The following TRAPPC11 variants were observed in gnomAD, a reference collection of about 807,000 sequenced individuals.
TRAPPC11 encodes trafficking protein particle complex subunit 11.
In TRAPPC11, 104 loss-of-function variants were observed where a neutral mutation model predicts 151.2. The observed-to-expected ratio is 0.69, with a 90% CI of 0.59 to 0.81. The LOEUF is 0.81. TRAPPC11 is among the 30% of genes least tolerant of loss of function. The pLI, the probability that TRAPPC11 is intolerant of heterozygous loss-of-function variation, is 0.00. For synonymous variants in TRAPPC11, 456 were observed against 472.3 expected (o/e 0.97, Z 0.45); for missense variants, 1,230 against 1,349.6 (o/e 0.91, Z 1.39).
intron 27 of TRAPPC11, among the ~76,000 whole-genome samples, chr4:183,706,277 A>T (rs1317432627): frequency 6.6e-6 from 1 of 152,216 alleles, no homozygotes; most frequent in Non-Finnish European, 1.5e-5. Context: ...TAATCCCAGC[A>T]CTTTGGGAGG....
At chr4:183,704,913 G>T in intron 26 of TRAPPC11, 66 bp from the exon 27 acceptor site, 2 of 1,040,158 alleles carry the variant, frequency 1.9e-6, no homozygotes, top group South Asian at 3.7e-5. Context: ...TGTTTTTGAT[G>T]AACTTCTTTC....
chr4:183,690,646 G>C (rs4401492), intron 18 of TRAPPC11, among the ~76,000 whole-genome samples: 5 of 151,960 alleles, frequency 3.3e-5, no homozygotes, highest in African/African-American at 1.2e-4. Flanking sequence ...GAAGTGAACA[G>C]AGAGAGAAAT....
At chr4:183,676,132 A>G (rs1229266254) in intron 7 of TRAPPC11, among the ~76,000 whole-genome samples, 3 of 152,144 alleles carry the variant, frequency 2.0e-5, no homozygotes, top group Non-Finnish European at 2.9e-5. Context: ...ACAACTTCAT[A>G]TAACTGGCTT....
chr4:183,685,583 A>G (rs1735924108), intron 17 of TRAPPC11, among the ~76,000 whole-genome samples, 180 bp downstream of exon 17: 1 of 152,220 alleles, frequency 6.6e-6, no homozygotes, highest in Non-Finnish European at 1.5e-5. Context: ...TAGGATCTTA[A>G]ATACTTGACT....
Position 183,668,095 on chromosome 4 carries a change from C to T in TRAPPC11, c.538C>T (p.His180Tyr), listed in dbSNP as rs1267647175. The T allele has an allele frequency of 1.1e-5, 18 of 1,610,066 alleles. No homozygotes were observed. Among genetic ancestry groups the T allele is most frequent in the Non-Finnish European group, 1.5e-5 (18 of 1,176,962 alleles). Residue 180 changes from histidine to tyrosine, a missense_variant, in exon 5 of 30, where the codon CAC becomes TAC. By Grantham distance (83) the His-to-Tyr change is moderately conservative (BLOSUM62 2). Transcript: ENST00000334690. ...TTTGTTTGTACTGCCGCACACTGAC[C>T]ACCTTGTGGGTTATATTATAAGGTA... ...KSLFVLPHTD[H>Y]LVGYIIRLEN...
rs200466260 is a variant in TRAPPC11 at position 183,706,843 on chromosome 4, C to T, written c.3092C>T (p.Pro1031Leu). 6.2e-7 allele frequency: 1 copy of T among 1,613,984 alleles called. No individual in the cohort carries two copies. Among genetic ancestry groups the T allele is most frequent in the South Asian group, 1.1e-5 (1 of 91,066 alleles). Residue 1031 changes from proline (P) to leucine (L), a missense_variant, in exon 28 of 30, where the codon CCT becomes CTT. By Grantham distance (98) the Pro-to-Leu change is moderately conservative. Transcript: ENST00000334690. ...PSFGRVRESLPVKYHLQNKTD... is the reference protein window; with the variant it reads ...PSFGRVRESLLVKYHLQNKTD... ...TTTGGGCGTGTCAGAGAGTCGTTAC[C>T]TGTCAAGTATCACCTACAGAATAAG...
At position 183,706,885 on chromosome 4, in the gene TRAPPC11, A is replaced by T; in HGVS notation, c.3134A>T (p.Asp1045Val). The change falls in exon 28 of 30, where the codon GAT becomes GTT. Residue 1045 changes from aspartate (D) to valine (V), a missense_variant. By Grantham distance (152) the Asp-to-Val change is radical (BLOSUM62 -3). Transcript: ENST00000334690. ...CAGAATAAGACCGACTTAGTTCAAG[A>T]TGTAGAAATTTCTGTGGAGCCCAGT... is the stretch of plus-strand genomic sequence containing the variant. Reference protein sequence around the residue: ...HLQNKTDLVQDVEISVEPSDA... With the variant: ...HLQNKTDLVQVVEISVEPSDA... The T allele has an allele frequency of 1.9e-6, 3 of 1,614,090 alleles. No individual in the cohort carries two copies. Among genetic ancestry groups the T allele is most frequent in the South Asian group, 1.1e-5 (1 of 91,080 alleles).
At chr4:183,675,333 T>C in intron 7 of TRAPPC11, 96 bp downstream of exon 7, 1 of 666,588 alleles carries the variant, frequency 1.5e-6, no homozygotes. Flanking sequence ...TAATTAAGTT[T>C]AAAGTGTTCA....
chr4:183,691,977 T>C (rs187166456), intron 19 of TRAPPC11, among the ~76,000 whole-genome samples: 4 of 152,322 alleles, frequency 2.6e-5, no homozygotes, highest in East Asian at 3.9e-4. Flanking sequence ...TTTAGAAATA[T>C]AGGATCTAAG....
At chr4:183,699,660 A>T (rs976363371) in intron 25 of TRAPPC11, among the ~76,000 whole-genome samples, 4 of 152,166 alleles carry the variant, frequency 2.6e-5, no homozygotes, top group Non-Finnish European at 5.9e-5. Context: ...AAGTCCAAAA[A>T]ACAAGGTGTC....
At chr4:183,659,846 A>G (rs912649104) in intron 1 of TRAPPC11, among the ~76,000 whole-genome samples, 6 of 152,138 alleles carry the variant, frequency 3.9e-5, no homozygotes, top group African/African-American at 1.4e-4. Context: ...TCTGAATCCC[A>G]TTCTTAGCAG....
chr4:183,684,416 G>C, intron 14 of TRAPPC11, 57 bp downstream of exon 14: 1 of 1,473,692 alleles, frequency 6.8e-7, no homozygotes. Context: ...AAGTGAAACT[G>C]AAATAGAAAT....
chr4:183,692,612 A>G (rs1736308921), intron 19 of TRAPPC11, among the ~76,000 whole-genome samples: 1 of 152,206 alleles, frequency 6.6e-6, no homozygotes, highest in South Asian at 2.1e-4. Context: ...TAATGTATCC[A>G]TAGCCATCAC....
intron 23 of TRAPPC11, 93 bp downstream of exon 23, chr4:183,694,816 GCAGT>G: frequency 7.7e-7 from 1 of 1,298,160 alleles, no homozygotes; most frequent in Non-Finnish European, 1.1e-6. Flanking sequence ...CATAAAATAA[GCAGT>G]TTAGGTGCTT....
Position 183,693,104 on chromosome 4 carries a change from A to G in TRAPPC11, c.2194A>G (p.Asn732Asp), listed in dbSNP as rs1329066801. Residue 732 changes from asparagine (N) to aspartate (D), a missense_variant, in exon 20 of 30, where the codon AAT (asparagine) becomes GAT (aspartate). Transcript: ENST00000334690. ...SFKRRPKLPD[N>D]EVHWDSIIIQ... ...CAAAAGGCGACCTAAGCTACCTGAC[A>G]ATGAAGTTCACTGGGACAGCATTAT... The G allele has an allele frequency of 1.2e-6, 2 of 1,612,078 alleles. No homozygotes were observed. Among genetic ancestry groups the G allele is most frequent in the Non-Finnish European group, 1.7e-6 (2 of 1,178,812 alleles).
intron 1 of TRAPPC11, among the ~76,000 whole-genome samples, chr4:183,663,320 A>G (rs1021360099): frequency 6.6e-6 from 1 of 151,648 alleles, no homozygotes; most frequent in South Asian, 2.1e-4. Flanking sequence ...TGCAACCTCC[A>G]CCTCCCGGGT....
At position 183,677,477 on chromosome 4, in the gene TRAPPC11, A is replaced by G; in HGVS notation, c.754A>G (p.Asn252Asp). Residue 252 changes from asparagine to aspartate, a missense_variant, in exon 8 of 30, where the codon AAT (asparagine) becomes GAT (aspartate). By Grantham distance (23) the Asn-to-Asp change is conservative (BLOSUM62 1). Coordinates refer to ENST00000334690, the MANE Select transcript of TRAPPC11 (RefSeq NM_021942.6). ...NALKNYRTAY[N>D]LVHELRAHET... ...ATTTAGGAATTATAGGACCGCCTAT[A>G]ATCTTGTACACGAATTGAGAGCCCA... The G allele has an allele frequency of 1.2e-6, 2 of 1,606,574 alleles. No homozygotes were observed. The highest frequency in any genetic ancestry group is 2.2e-5 in the South Asian group (2 of 90,578).
intron 2 of TRAPPC11, among the ~76,000 whole-genome samples, chr4:183,665,089 TTC>T (rs1734775633): frequency 8.2e-6 from 1 of 121,468 alleles, no homozygotes; most frequent in Non-Finnish European, 1.7e-5. Context: ...TTTCTTTTCT[TTC>T]TTTTTTTTTT....
chr4:183,706,626 C>T (rs974100549), intron 27 of TRAPPC11, among the ~76,000 whole-genome samples, 181 bp from the exon 28 acceptor site: 1 of 152,120 alleles, frequency 6.6e-6, no homozygotes, highest in African/African-American at 2.4e-5. Flanking sequence ...TTTCCTTAGC[C>T]TGTTTTATCA....
Sources: allele counts gnomAD v4.1 joint callset (sites outside exome capture counted in the v4.1 genomes callset), GRCh38; gene constraint gnomAD v4.1.1; transcripts MANE v1.5; gene names NCBI Gene and HGNC (gene_info 2026-07-23, HGNC 2026-07-21).